Variants in TSC2 observed in about 807,000 individuals in gnomAD.
TSC2 encodes the protein TSC complex subunit 2.
In TSC2, 29 loss-of-function variants were observed where a neutral mutation model predicts 202.2. The ratio of observed to expected loss-of-function variants is 0.14; its 90% CI spans 0.11 to 0.20. The LOEUF is 0.20. Among genes scored for constraint, TSC2 ranks in the 10% least tolerant of loss-of-function variants. TSC2 has a pLI of 1.00. For missense variants in TSC2, 2,429 were observed against 2,420.0 expected (o/e 1.00, Z -0.08); for synonymous variants, 1,349 against 1,044.0 (o/e 1.29, Z -5.63).
At chr16:2,066,342 T>G (rs2087351974) in intron 16 of TSC2, 1 of 152,662 alleles carries the variant, frequency 6.6e-6, no homozygotes, top group African/African-American at 2.4e-5. Flanking sequence ...CTGTTGGTGC[T>G]CCCCTCCTTT....
Position 2,088,433 on chromosome 16 carries a change from C to T in TSC2, c.5260-13C>T, listed in dbSNP as rs1413775764. ...CCTCCCAGACTTACTGCCCAAGCCGCCTCTGCCTTCAGATCTGCGAGGAAG... is the reference window on the plus strand; with the variant it reads ...CCTCCCAGACTTACTGCCCAAGCCGTCTCTGCCTTCAGATCTGCGAGGAAG... On this transcript the variant is annotated splice_polypyrimidine_tract_variant and intron_variant, in intron 41 of 41. Transcript: ENST00000219476. 4.3e-6 allele frequency: 7 copies of T among 1,612,648 alleles called. No individual in the cohort carries two copies. The highest frequency in any genetic ancestry group is 5.9e-6 in the Non-Finnish European group (7 of 1,180,022).
chr16:2,081,217 C>CAG (rs2090103632), intron 30 of TSC2: 1 of 360,882 alleles, frequency 2.8e-6, no homozygotes, highest in Admixed American at 3.9e-5. Flanking sequence ...GGAGCCCCCG[C>CAG]AGAGGCCCAG....
intron 30 of TSC2, 100 bp downstream of exon 30, chr16:2,080,477 TG>T: frequency 7.1e-7 from 1 of 1,406,114 alleles, no homozygotes; most frequent in Non-Finnish European, 9.7e-7. Flanking sequence ...TTGGGATATT[TG>T]GGGGTAACTT....
At chr16:2,066,636 A>T (rs541203966) in intron 16 of TSC2, among the ~76,000 whole-genome samples, 2 of 147,028 alleles carry the variant, frequency 1.4e-5, no homozygotes, top group African/African-American at 5.0e-5. Flanking sequence ...GCAGCATGTA[A>T]GGGTTCTGAT....
rs1405712076 is a variant in TSC2, at chr16:2,088,530, G to C, written c.5344G>C (p.Ala1782Pro). 6.2e-7 allele frequency: 1 copy of C among 1,612,220 alleles called. No homozygotes were observed. Among genetic ancestry groups the C allele is most frequent in the Non-Finnish European group, 8.5e-7 (1 of 1,179,894 alleles). ...SHSKAPAQTP[A>P]EPTPGYEVGQ... ...TAGCAAAGCCCCTGCACAGACTCCA[G>C]CCGAGCCCACACCTGGCTATGAGGT... Residue 1782 changes from alanine (A) to proline (P), a missense_variant, in exon 42 of 42, where the codon GCC (alanine) becomes CCC (proline). Transcript: ENST00000219476.
Position 2,088,949 on chromosome 16 carries a change from C to G in TSC2, c.*339C>G, listed in dbSNP as rs907531409. ...CAGCCCCCAGGAGGAGTCTTTTCCT[C>G]TAACCACCCTGGGGTCCTCTGACAT... On this transcript the variant is annotated 3_prime_UTR_variant, in exon 42 of 42. Transcript: ENST00000219476. 5 of 358,496 alleles carry G rather than the reference C, an allele frequency of 1.4e-5. No individual in the cohort carries two copies. The highest frequency in any genetic ancestry group is 4.2e-5 in the African/African-American group (2 of 47,502). 22.2% of individuals were successfully genotyped at this position (358,496 alleles called of 1,614,324 possible).
chr16:2,065,199 G>A (rs2087158867), intron 15 of TSC2: 2 of 319,030 alleles, frequency 6.3e-6, no homozygotes, highest in Non-Finnish European at 1.2e-5. Flanking sequence ...GGATCATGAG[G>A]TCAGGAGATC....
intron 6 of TSC2, chr16:2,055,890 C>CAAAAAAA: frequency 4.5e-5 from 12 of 265,158 alleles, no homozygotes; most frequent in African/African-American, 1.0e-4. Flanking sequence ...AACTCCATCT[C>CAAAAAAA]AAAAAAAAAA....
chr16:2,064,225 G>A (rs767264748), intron 14 of TSC2, 47 bp from the exon 15 acceptor site: 24 of 1,613,398 alleles, frequency 1.5e-5, no homozygotes, highest in African/African-American at 5.3e-5. Context: ...CACGAGATGT[G>A]GCCCTCGTTG....
In TSC2 at chr16:2,088,777, A is replaced by G. The variant is rs994478294; in HGVS notation, c.*167A>G. 2.1e-6 allele frequency: 2 copies of G among 944,802 alleles called. No homozygotes were observed. Among genetic ancestry groups the G allele is most frequent in the African/African-American group, 1.7e-5 (1 of 60,060 alleles). The allele number at this position is 944,802 out of a possible 1,614,324, so 58.5% of individuals were successfully genotyped here. A position where few individuals can be genotyped will look rare whatever the true frequency, so the allele number is the denominator to read the frequency against. On this transcript the variant is annotated 3_prime_UTR_variant, in exon 42 of 42. Coordinates refer to ENST00000219476, the MANE Select transcript of TSC2 (RefSeq NM_000548.5). Reference sequence around the variant, plus strand: ...GGGGTTGGGGGGGTGTCGAGGCTCTAGAAGCGGCCATGCCCACAGAAGTGG... The same window carrying G: ...GGGGTTGGGGGGGTGTCGAGGCTCTGGAAGCGGCCATGCCCACAGAAGTGG...
chr16:2,066,200 T>C (rs1260384836), intron 16 of TSC2: 1 of 155,876 alleles, frequency 6.4e-6, no homozygotes. Context: ...ATTTACCTAC[T>C]CTCAACATTT....
intron 38 of TSC2, 151 bp downstream of exon 38, chr16:2,087,022 C>A: frequency 8.3e-7 from 1 of 1,207,980 alleles, no homozygotes; most frequent in South Asian, 1.4e-5. Flanking sequence ...CGAGCTTCAC[C>A]CCGAGCCTGC....
intron 17 of TSC2, among the ~76,000 whole-genome samples, chr16:2,070,926 G>T (rs546156670): frequency 1.2e-4 from 18 of 152,164 alleles, no homozygotes; most frequent in African/African-American, 4.3e-4. Context: ...GGCGGCACAG[G>T]GCAGAGCTGA....
chr16:2,082,975 C>T (rs1043198559), intron 32 of TSC2: 6 of 385,636 alleles, frequency 1.6e-5, no homozygotes, highest in Non-Finnish European at 3.2e-5. Context: ...CCTGTTGCCC[C>T]CAAGCCCTGG....
At chr16:2,074,133 G>A (rs2151343851) in intron 21 of TSC2, 67 bp from the exon 22 acceptor site, 1 of 1,597,158 alleles carries the variant, frequency 6.3e-7, no homozygotes, top group Middle Eastern at 2.3e-4. Flanking sequence ...ACTCGAGGTT[G>A]GCGAGGGGTA....
intron 11 of TSC2, 197 bp downstream of exon 11, chr16:2,061,010 G>T (rs1466238991): frequency 2.9e-6 from 2 of 694,856 alleles, no homozygotes; most frequent in Non-Finnish European, 4.8e-6. Flanking sequence ...GTGGTGCATC[G>T]TTTAGGCCCC....
At chr16:2,076,321 C>T in intron 24 of TSC2, 151 bp downstream of exon 24, 1 of 1,557,900 alleles carries the variant, frequency 6.4e-7, no homozygotes. Context: ...CTCTGCTGGG[C>T]AGCCTGCAGG....
Position 2,076,058 on chromosome 16 carries a change from C to A in TSC2, c.2640-10C>A, listed in dbSNP as rs964883731. 1 of 1,613,928 alleles carries A rather than the reference C, an allele frequency of 6.2e-7. No homozygotes were observed. The highest frequency in any genetic ancestry group is 2.2e-5 in the East Asian group (1 of 44,882). ...GCCAGGATGGAGTGCCAGCCCCCTT[C>A]TCATCTCAGGTTTAATCAGTACATC... On this transcript the variant is annotated splice_polypyrimidine_tract_variant and intron_variant, in intron 23 of 41. Coordinates refer to ENST00000219476, the MANE Select transcript of TSC2 (RefSeq NM_000548.5).
chr16:2,082,612 G>C, intron 32 of TSC2, 108 bp downstream of exon 32: 8 of 1,275,442 alleles, frequency 6.3e-6, no homozygotes, highest in Non-Finnish European at 7.9e-6. Flanking sequence ...TGCCTCCATT[G>C]CCCTGGGGAG....
Sources: allele counts gnomAD v4.1 joint callset (sites outside exome capture counted in the v4.1 genomes callset), GRCh38; gene constraint gnomAD v4.1.1; transcripts MANE v1.5; gene names NCBI Gene and HGNC (gene_info 2026-07-23, HGNC 2026-07-21).